The following DMD variants were observed in gnomAD, a reference collection of about 807,000 sequenced individuals.
DMD encodes the protein mutant dystrophin.
DMD carries 63 observed loss-of-function variants against 330.1 expected under a neutral mutation model. The ratio of observed to expected loss-of-function variants is 0.19; its 90% CI spans 0.16 to 0.24. The LOEUF is 0.24. Among genes scored for constraint, DMD ranks in the 10% least tolerant of loss-of-function variants. DMD has a pLI of 1.00. For synonymous variants in DMD, 1,223 were observed against 959.8 expected (o/e 1.27, Z -5.07); for missense variants, 3,344 against 2,684.1 (o/e 1.25, Z -5.43).
intron 45 of DMD, among the ~76,000 whole-genome samples, chrX:31,955,003 CAAAAAAAAAAA>C (rs530305580): frequency 1.6e-3 from 99 of 60,232 alleles, no homozygotes; most frequent in African/African-American, 5.6e-3. Flanking sequence ...CTGCCTCTAC[CAAAAAAAAAAA>C]AAAAAAAAAG....
chrX:32,658,730 C>G (rs925150562), intron 9 of DMD, among the ~76,000 whole-genome samples: 3 of 110,997 alleles, frequency 2.7e-5, no homozygotes, highest in African/African-American at 9.8e-5. Context: ...TCTCACTGCC[C>G]TCCCCCTGCC....
intron 13 of DMD, among the ~76,000 whole-genome samples, chrX:32,586,519 T>A (rs2054309539): frequency 1.8e-5 from 2 of 109,507 alleles, no homozygotes; most frequent in East Asian, 5.7e-4. Context: ...TATCTATTCA[T>A]ATATATATGA....
chrX:33,066,346 G>T (rs1379888501), intron 1 of DMD, among the ~76,000 whole-genome samples: 1 of 106,647 alleles, frequency 9.4e-6, no homozygotes, highest in African/African-American at 3.4e-5. Flanking sequence ...CTACTCAGGA[G>T]GGTGAGGCAT....
intron 2 of DMD, among the ~76,000 whole-genome samples, 161 bp from the exon 3 acceptor site, chrX:32,849,981 A>C (rs2081004007): frequency 9.3e-6 from 1 of 107,189 alleles, no homozygotes; most frequent in South Asian, 3.7e-4. Flanking sequence ...TTCAAATGAC[A>C]AAAAAAATTT....
At chrX:33,117,143 G>A (rs2095391494) in intron 1 of DMD, among the ~76,000 whole-genome samples, 1 of 110,542 alleles carries the variant, frequency 9.0e-6, no homozygotes, top group African/African-American at 3.3e-5. Flanking sequence ...TTTTCAAAAA[G>A]TAACTCATTT....
At chrX:33,074,415 A>T (rs780974301) in intron 1 of DMD, among the ~76,000 whole-genome samples, 3,386 of 101,328 alleles carry the variant, frequency 0.033, 142 homozygotes, top group African/African-American at 0.11. Flanking sequence ...TTAACACTAT[A>T]TTTTTTTTTT....
chrX:32,074,095 AT>A (rs1212277479), intron 44 of DMD, among the ~76,000 whole-genome samples: 1 of 111,597 alleles, frequency 9.0e-6, no homozygotes, highest in Non-Finnish European at 1.9e-5. Flanking sequence ...TAAGAAAAAA[AT>A]AATCAACCAT....
At chrX:32,489,430 C>T (rs2042784567) in intron 20 of DMD, among the ~76,000 whole-genome samples, 2 of 110,739 alleles carry the variant, frequency 1.8e-5, no homozygotes, top group Admixed American at 1.9e-4. Flanking sequence ...AAATAGCCCT[C>T]ATTCTCTCTC....
In DMD at chrX:32,013,093, C is replaced by CTTTTTTTTTTTTTTTTTTTTTTTTT. The variant is rs754162660; in HGVS notation, c.6439-44580_6439-44579insAAAAAAAAAAAAAAAAAAAAAAAAA. Among the ~76,000 whole-genome samples, 4 of 61,196 alleles carry CTTTTTTTTTTTTTTTTTTTTTTTTT rather than the reference C, an allele frequency of 6.5e-5. 1 individual carries two copies. The highest frequency in any genetic ancestry group is 8.1e-5 in the African/African-American group (1 of 12,317). The allele number at this position is 61,196 out of a possible 115,157, so 53.1% of individuals were successfully genotyped here. On this transcript the variant is annotated intron_variant, in intron 44 of 78. Coordinates refer to ENST00000357033, the MANE Select transcript of DMD (RefSeq NM_004006.3). ...GGAAATTAATCTTTTCTTTTCTTTC[C>CTTTTTTTTTTTTTTTTTTTTTTTTT]TTTTTTTTTTTTTGAGATGGAATCT...
intron 21 of DMD, among the ~76,000 whole-genome samples, chrX:32,477,854 C>A: frequency 9.0e-6 from 1 of 111,308 alleles, no homozygotes; most frequent in Non-Finnish European, 1.9e-5. Flanking sequence ...CAACTGGCTA[C>A]CCGTCCGTTA....
intron 11 of DMD, among the ~76,000 whole-genome samples, chrX:32,639,847 C>A (rs909044123): frequency 3.6e-5 from 4 of 110,321 alleles, no homozygotes; most frequent in African/African-American, 1.3e-4. Context: ...CACAGCTATA[C>A]TCTTTGGGAA....
At chrX:31,706,617 T>C (rs1603449905) in intron 52 of DMD, among the ~76,000 whole-genome samples, 1 of 111,669 alleles carries the variant, frequency 9.0e-6, no homozygotes, top group African/African-American at 3.3e-5. Context: ...TTGAAAGCAC[T>C]AACTTATTAC....
intron 48 of DMD, among the ~76,000 whole-genome samples, chrX:31,865,462 T>G (rs1276048832): frequency 1.8e-5 from 2 of 112,287 alleles, no homozygotes; most frequent in Non-Finnish European, 3.8e-5. Flanking sequence ...TTTAAAAAAT[T>G]TTTTTTAAAA....
At chrX:32,961,744 A>G (rs1289681844) in intron 2 of DMD, among the ~76,000 whole-genome samples, 1 of 111,536 alleles carries the variant, frequency 9.0e-6, no homozygotes, top group Non-Finnish European at 1.9e-5. Context: ...TTTTACTGCT[A>G]TGTAATTTCC....
intron 18 of DMD, among the ~76,000 whole-genome samples, chrX:32,503,466 T>C (rs1450945343): frequency 8.9e-6 from 1 of 112,580 alleles, no homozygotes; most frequent in African/African-American, 3.2e-5. Flanking sequence ...GCACATTAAA[T>C]TATGTAAATG....
chrX:31,739,965 G>C (rs2087193163), intron 51 of DMD, among the ~76,000 whole-genome samples: 1 of 108,335 alleles, frequency 9.2e-6, no homozygotes, highest in Non-Finnish European at 1.9e-5. Flanking sequence ...TTGAAAAAAA[G>C]ATTAAGATGG....
intron 2 of DMD, among the ~76,000 whole-genome samples, chrX:32,889,583 A>G (rs1456212635): frequency 1.8e-5 from 2 of 110,818 alleles, no homozygotes; most frequent in Non-Finnish European, 1.9e-5. Context: ...ATGACATTCC[A>G]CCATTGTGAT....
intron 48 of DMD, among the ~76,000 whole-genome samples, chrX:31,852,427 A>C (rs954087028): frequency 8.9e-6 from 1 of 111,804 alleles, no homozygotes; most frequent in African/African-American, 3.3e-5. Flanking sequence ...AAGAACATTC[A>C]TTTAAACTGG....
intron 1 of DMD, among the ~76,000 whole-genome samples, chrX:33,205,780 T>A (rs775755993): frequency 2.7e-5 from 3 of 112,176 alleles, no homozygotes; most frequent in Non-Finnish European, 5.6e-5. Context: ...AACACTGACC[T>A]TTTTTAAAAA....
Sources: allele counts gnomAD v4.1 joint callset (sites outside exome capture counted in the v4.1 genomes callset), GRCh38; gene constraint gnomAD v4.1.1; transcripts MANE v1.5; gene names NCBI Gene and HGNC (gene_info 2026-07-23, HGNC 2026-07-21).